The following SYCP3 variants were observed in gnomAD, a reference collection of about 807,000 sequenced individuals.
SYCP3 encodes synaptonemal complex protein 3.
SYCP3 carries 29 observed loss-of-function variants against 38.5 expected under a neutral mutation model. The ratio of observed to expected loss-of-function variants is 0.75; its 90% CI spans 0.56 to 1.03. SYCP3 has a LOEUF of 1.03. Ranked by LOEUF, SYCP3 falls within the 50% of genes least tolerant of loss-of-function variation. SYCP3 has a pLI of 0.00. For missense variants in SYCP3, 242 were observed against 270.7 expected (o/e 0.89, Z 0.74); for synonymous variants, 79 against 80.3 (o/e 0.98, Z 0.08).
chr12:101,735,891 ACGGGGG>A (rs1952421576), intron 4 of SYCP3, among the ~76,000 whole-genome samples: 4 of 103,322 alleles, frequency 3.9e-5, no homozygotes, highest in African/African-American at 1.8e-4. Context: ...TTTTAAAGAC[ACGGGGG>A]TCTCACTATG....
Position 101,735,059 on chromosome 12 carries a change from A to T in SYCP3, c.236-15T>A. ...GTTAATGTCAACTAGATTGAAAATA[A>T]AAATTCATTAAAATTTAATGTTGAA... On this transcript the variant is annotated splice_polypyrimidine_tract_variant and intron_variant, in intron 4 of 8. Transcript: ENST00000392924. 1 of 1,504,556 alleles carries T rather than the reference A, an allele frequency of 6.6e-7. No homozygotes were observed. Among genetic ancestry groups the T allele is most frequent in the Non-Finnish European group, 9.2e-7 (1 of 1,082,618 alleles). The allele number at this position is 1,504,556 out of a possible 1,614,324, so 93.2% of individuals were successfully genotyped here.
intron 5 of SYCP3, among the ~76,000 whole-genome samples, 154 bp downstream of exon 5, chr12:101,734,773 C>T (rs1482367555): frequency 1.3e-5 from 2 of 152,122 alleles, no homozygotes; most frequent in Non-Finnish European, 2.9e-5. Context: ...GTCTCTAACT[C>T]CTGACCTCAA....
rs1169539795 is a variant in SYCP3 at position 101,729,173 on chromosome 12, G to A, written c.593C>T (p.Thr198Ile). 20 of 1,612,744 alleles carry A rather than the reference G, an allele frequency of 1.2e-5. No individual in the cohort carries two copies. The highest frequency in any genetic ancestry group is 1.6e-5 in the Non-Finnish European group (19 of 1,179,478). The change falls in exon 8 of 9, where the codon ACT becomes ATT. Residue 198 changes from threonine to isoleucine, a missense_variant. Coordinates refer to ENST00000392924, the MANE Select transcript of SYCP3 (RefSeq NM_001177949.2). ...TTTTTTAAATTCATTTTGTGCACCA[G>A]TAAGTAGATTATCATGATTCTTCTC... is the stretch of plus-strand genomic sequence containing the variant. ...ELEKNHDNLL[T>I]GAQNEFKKEM...
At chr12:101,733,545 G>T (rs1952271130) in intron 6 of SYCP3, 30 bp downstream of exon 6, 1 of 1,575,660 alleles carries the variant, frequency 6.3e-7, no homozygotes, top group African/African-American at 1.3e-5. Flanking sequence ...TTGAGACTTG[G>T]TTGATTATAA....
In SYCP3 at chr12:101,737,213, A is replaced by C. The variant is rs1952484165; in HGVS notation, c.200+19T>G. 6.2e-7 allele frequency: 1 copy of C among 1,612,894 alleles called. No individual in the cohort carries two copies. The highest frequency in any genetic ancestry group is 1.3e-5 in the African/African-American group (1 of 74,874). ...GAAGTGCTTTATCTAAGAAACAAAA[A>C]TTATTTTGAACACGTTACCCCATAT... On this transcript the variant is annotated intron_variant, in intron 3 of 8. Transcript: ENST00000392924.
chr12:101,735,884 T>A (rs1952419976), intron 4 of SYCP3, among the ~76,000 whole-genome samples: 1 of 137,174 alleles, frequency 7.3e-6, no homozygotes, highest in African/African-American at 2.9e-5. Context: ...TTTTTTTTTT[T>A]AAAGACACGG....
Position 101,731,638 on chromosome 12 carries a change from A to G in SYCP3, c.482T>C (p.Leu161Pro). 1 of 1,603,610 alleles carries G rather than the reference A, an allele frequency of 6.2e-7. No individual in the cohort carries two copies. Among genetic ancestry groups the G allele is most frequent in the Non-Finnish European group, 8.5e-7 (1 of 1,177,598 alleles). Reference protein sequence around the residue: ...LNMFRQQQKILQQSRIVQSQR... With the variant: ...LNMFRQQQKIPQQSRIVQSQR... The stretch of plus-strand genomic sequence containing the variant: ...GCTCTGAACAATTCTAGATTGTTGA[A>G]GAATCTTTTGTTGCTGTCGAAACAT... Residue 161 changes from leucine to proline, a missense_variant, in exon 7 of 9, where the codon CTT becomes CCT. Leu to Pro is a moderately conservative substitution (Grantham distance 98, BLOSUM62 -3). Coordinates refer to ENST00000392924, the MANE Select transcript of SYCP3 (RefSeq NM_001177949.2).
At position 101,728,945 on chromosome 12, in the gene SYCP3, A is replaced by G. The variant is rs1952056275; in HGVS notation, c.693T>C (p.Leu231=). The G allele has an allele frequency of 1.2e-6, 2 of 1,613,448 alleles. No homozygotes were observed. The highest frequency in any genetic ancestry group is 3.3e-5 in the Admixed American group (2 of 59,992). Residue 231 remains leucine (L), a synonymous_variant, in exon 9 of 9, where the codon CTT becomes CTC. Transcript: ENST00000392924. ...QQEIASVRKS[L]QSMLF ...AGAGTCATCAGAATAACATGGATTG[A>G]AGAGACTTCCGAACACTTGCTATCT...
At chr12:101,729,515 A>G in intron 7 of SYCP3, 1 of 272,832 alleles carries the variant, frequency 3.7e-6, no homozygotes. Context: ...AACCATTTCT[A>G]TTAAGCTTTC....
chr12:101,733,333 C>T (rs1594170124), intron 6 of SYCP3: 1 of 473,434 alleles, frequency 2.1e-6, no homozygotes, highest in East Asian at 3.9e-5. Context: ...AACCAATGAT[C>T]CTTCTTTTGT....
intron 4 of SYCP3, among the ~76,000 whole-genome samples, chr12:101,736,708 ATGTGTGTGTGTG>A (rs34377603): frequency 1.1e-4 from 16 of 149,130 alleles, no homozygotes; most frequent in African/African-American, 3.2e-4. Context: ...ATGTATGTAT[ATGTGTGTGTGTG>A]TGTGTGTGTG....
intron 6 of SYCP3, chr12:101,732,269 ACTT>A (rs1475271536): frequency 6.6e-6 from 1 of 152,310 alleles, no homozygotes; most frequent in African/African-American, 2.4e-5. Flanking sequence ...TTTAACCACT[ACTT>A]CTTTACCATT....
At chr12:101,730,284 G>A (rs1952127587) in intron 7 of SYCP3, among the ~76,000 whole-genome samples, 1 of 152,130 alleles carries the variant, frequency 6.6e-6, no homozygotes, top group Admixed American at 6.5e-5. Context: ...ATAACTGGAT[G>A]TGACAGAGAA....
At position 101,728,689 on chromosome 12, in the gene SYCP3, A is replaced by T. The variant is rs1191379211; in HGVS notation, c.*238T>A. 3 of 537,254 alleles carry T rather than the reference A, an allele frequency of 5.6e-6. No individual in the cohort carries two copies. The African/African-American group carries it at 5.7e-5, about 10-fold the overall frequency. The allele number at this position is 537,254 out of a possible 1,614,324, so 33.3% of individuals were successfully genotyped here. On this transcript the variant is annotated 3_prime_UTR_variant, in exon 9 of 9. Coordinates refer to ENST00000392924, the MANE Select transcript of SYCP3 (RefSeq NM_001177949.2). ...TTATTTAATTGACAGTGTTAGAGAG[A>T]AAAATTCACTATCATTACTAAAGAG...
chr12:101,737,053 C>T lies in SYCP3; in HGVS notation c.219G>A (p.Met73Ile). The change falls in exon 4 of 9, where the codon ATG becomes ATA. Residue 73 changes from methionine to isoleucine, a missense_variant. Transcript: ENST00000392924. ...AAAACCTACCTCCAACTCCTTCCAGCATATTCTGCACTTCACCCCTGGAAA... is the reference window on the plus strand; with the variant it reads ...AAAACCTACCTCCAACTCCTTCCAGTATATTCTGCACTTCACCCCTGGAAA... Reference protein sequence around the residue: ...VEDMGGEVQNMLEGVGVDINK... With the variant: ...VEDMGGEVQNILEGVGVDINK... 1 of 1,613,876 alleles carries T rather than the reference C, an allele frequency of 6.2e-7. No individual in the cohort carries two copies.
chr12:101,738,359 C>G (rs980330004), intron 1 of SYCP3, among the ~76,000 whole-genome samples: 3 of 150,372 alleles, frequency 2.0e-5, no homozygotes, highest in African/African-American at 7.4e-5. Flanking sequence ...ACCCGGGAGA[C>G]AGAGGTCACA....
At chr12:101,736,773 A>G (rs934524415) in intron 4 of SYCP3, among the ~76,000 whole-genome samples, 1 of 151,462 alleles carries the variant, frequency 6.6e-6, no homozygotes, top group African/African-American at 2.4e-5. Context: ...AAGAAGGGTA[A>G]AGACTTTTCC....
At chr12:101,735,075 T>G in intron 4 of SYCP3, 31 bp from the exon 5 acceptor site, 1 of 1,467,378 alleles carries the variant, frequency 6.8e-7, no homozygotes, top group Admixed American at 1.7e-5. Context: ...CATTAAAATT[T>G]AATGTTGAAA....
At position 101,728,876 on chromosome 12, in the gene SYCP3, G is replaced by T; in HGVS notation, c.*51C>A. On this transcript the variant is annotated 3_prime_UTR_variant, in exon 9 of 9. Coordinates refer to ENST00000392924, the MANE Select transcript of SYCP3 (RefSeq NM_001177949.2). ...ACTTACAATATGCTTCTTAGCTAACGTTATAATTGTATCATATTACTTAGG... is the reference window on the plus strand; with the variant it reads ...ACTTACAATATGCTTCTTAGCTAACTTTATAATTGTATCATATTACTTAGG... The T allele has an allele frequency of 6.2e-7, 1 of 1,611,056 alleles. No homozygotes were observed. Among genetic ancestry groups the T allele is most frequent in the Non-Finnish European group, 8.5e-7 (1 of 1,177,948 alleles).
Sources: gnomAD v4.1 joint callset for allele counts (sites outside exome capture counted in the v4.1 genomes callset) on GRCh38, gnomAD v4.1.1 for gene constraint, MANE v1.5 for transcripts, NCBI Gene and HGNC (gene_info 2026-07-23, HGNC 2026-07-21) for gene names.